CSNK2A2IP: variants seen among roughly 807,000 people sequenced by gnomAD.
CSNK2A2IP encodes the protein casein kinase II subunit alpha'-interacting protein.
the CSNK2A2IP span, chr3:88,343,373 G>A: frequency 6.6e-6 from 1 of 151,960 alleles, no homozygotes; most frequent in East Asian, 1.9e-4. Flanking sequence ...TGAGAAAAAG[G>A]AGACAGAAAC....
At chr3:88,414,496 T>G in the CSNK2A2IP span, among the ~76,000 whole-genome samples, 4 of 151,752 alleles carry the variant, frequency 2.6e-5, no homozygotes, top group African/African-American at 9.7e-5. Flanking sequence ...TTGGCCAGGC[T>G]GCTCTCGATC....
chr3:88,388,383 T>G, the CSNK2A2IP span, among the ~76,000 whole-genome samples: 2 of 152,208 alleles, frequency 1.3e-5, no homozygotes, highest in Non-Finnish European at 2.9e-5. Flanking sequence ...GCACATATAT[T>G]ATTCAATTTG....
At chr3:88,344,239 T>C in the CSNK2A2IP span, among the ~76,000 whole-genome samples, 2 of 149,810 alleles carry the variant, frequency 1.3e-5, no homozygotes, top group South Asian at 4.4e-4. Context: ...AGACATGTGG[T>C]CATTTCCATT....
the CSNK2A2IP span, among the ~76,000 whole-genome samples, chr3:88,460,354 A>G: frequency 3.3e-5 from 5 of 152,318 alleles, no homozygotes; most frequent in African/African-American, 1.2e-4. Flanking sequence ...TATCTCAAAT[A>G]GGCTCTTGTT....
At chr3:88,455,715 A>G in the CSNK2A2IP span, among the ~76,000 whole-genome samples, 5 of 151,888 alleles carry the variant, frequency 3.3e-5, no homozygotes, top group East Asian at 1.9e-4. Flanking sequence ...CTGTAGTCCT[A>G]CTTATTTAGT....
the CSNK2A2IP span, among the ~76,000 whole-genome samples, chr3:88,437,936 C>T: frequency 6.6e-6 from 1 of 152,008 alleles, no homozygotes; most frequent in African/African-American, 2.4e-5. Flanking sequence ...CTCTATTATC[C>T]TAGATTACGA....
the CSNK2A2IP span, among the ~76,000 whole-genome samples, chr3:88,347,532 C>T: frequency 6.6e-6 from 1 of 152,030 alleles, no homozygotes; most frequent in Non-Finnish European, 1.5e-5. Context: ...ATGGAATGCT[C>T]TGATGATTGT....
chr3:88,461,630 T>G, the CSNK2A2IP span, among the ~76,000 whole-genome samples: 1 of 152,198 alleles, frequency 6.6e-6, no homozygotes, highest in African/African-American at 2.4e-5. Context: ...CAACTTAACA[T>G]TTTCACCAGC....
At chr3:88,372,100 C>T in the CSNK2A2IP span, among the ~76,000 whole-genome samples, 1 of 151,418 alleles carries the variant, frequency 6.6e-6, no homozygotes, top group South Asian at 2.1e-4. Flanking sequence ...TACATTATTG[C>T]CAATATATAA....
At chr3:88,370,422 C>T in the CSNK2A2IP span, among the ~76,000 whole-genome samples, 1 of 151,840 alleles carries the variant, frequency 6.6e-6, no homozygotes. Context: ...GTAATTTTTG[C>T]GTAAGATCTC....
the CSNK2A2IP span, among the ~76,000 whole-genome samples, chr3:88,432,405 G>T: frequency 6.6e-6 from 1 of 151,624 alleles, no homozygotes; most frequent in African/African-American, 2.4e-5. Context: ...GAAATCTATG[G>T]CATAAAGTAT....
At chr3:88,396,682 T>A in the CSNK2A2IP span, among the ~76,000 whole-genome samples, 1 of 152,190 alleles carries the variant, frequency 6.6e-6, no homozygotes, top group Non-Finnish European at 1.5e-5. Context: ...GAGAGATACC[T>A]TAGTGGCTAG....
chr3:88,464,243 G>A, the CSNK2A2IP span, among the ~76,000 whole-genome samples: 418 of 151,658 alleles, frequency 2.8e-3, 2 homozygotes, highest in African/African-American at 9.4e-3. Flanking sequence ...CAGCACACCA[G>A]CATGGCACAT....
the CSNK2A2IP span, among the ~76,000 whole-genome samples, chr3:88,451,016 A>T: frequency 9.9e-5 from 15 of 152,216 alleles, no homozygotes; most frequent in South Asian, 2.7e-3. Context: ...CATTTGTTCA[A>T]TCTTTTGACT....
chr3:88,424,416 A>T, the CSNK2A2IP span, among the ~76,000 whole-genome samples: 881 of 152,314 alleles, frequency 5.8e-3, 8 homozygotes, highest in African/African-American at 0.02. Context: ...ACAATATTTT[A>T]TTCTTTATGA....
At chr3:88,395,767 C>A in the CSNK2A2IP span, among the ~76,000 whole-genome samples, 1 of 152,032 alleles carries the variant, frequency 6.6e-6, no homozygotes, top group African/African-American at 2.4e-5. Flanking sequence ...TTATTTATTT[C>A]TTTTTGTCTC....
At chr3:88,438,072 C>T in the CSNK2A2IP span, among the ~76,000 whole-genome samples, 1 of 152,102 alleles carries the variant, frequency 6.6e-6, no homozygotes, top group South Asian at 2.1e-4. Context: ...ATTGATTCTA[C>T]TCTTTACAGC....
chr3:88,403,928 G>T, the CSNK2A2IP span, among the ~76,000 whole-genome samples: 10 of 152,144 alleles, frequency 6.6e-5, no homozygotes, highest in East Asian at 1.4e-3. Context: ...TGACACAAGG[G>T]CTGAGACATA....
At chr3:88,365,175 G>C in the CSNK2A2IP span, among the ~76,000 whole-genome samples, 1 of 152,146 alleles carries the variant, frequency 6.6e-6, no homozygotes, top group African/African-American at 2.4e-5. Context: ...ATACAAGACA[G>C]CTGGAAGGAT....
Sources: gnomAD v4.1 joint callset for allele counts (sites outside exome capture counted in the v4.1 genomes callset) on GRCh38, gnomAD v4.1.1 for gene constraint, MANE v1.5 for transcripts, NCBI Gene and HGNC (gene_info 2026-07-23, HGNC 2026-07-21) for gene names.